IMPG1: variants seen among roughly 807,000 people sequenced by gnomAD.
IMPG1 encodes the protein interphotoreceptor matrix proteoglycan 1.
IMPG1 carries 85 observed loss-of-function variants against 92.0 expected under a neutral mutation model. The ratio of observed to expected loss-of-function variants is 0.92; its 90% CI spans 0.78 to 1.11. The LOEUF is 1.11. Ranked by LOEUF, IMPG1 falls within the 50% of genes least tolerant of loss-of-function variation. IMPG1 has a pLI of 0.00. For missense variants in IMPG1, 1,022 were observed against 956.0 expected (o/e 1.07, Z -0.91); for synonymous variants, 367 against 334.1 (o/e 1.10, Z -1.08).
At chr6:75,979,158 C>T (rs939103853) in intron 12 of IMPG1, among the ~76,000 whole-genome samples, 1 of 152,160 alleles carries the variant, frequency 6.6e-6, no homozygotes, top group African/African-American at 2.4e-5. Flanking sequence ...CTCAAGGAAT[C>T]TGCCCACTTC....
chr6:76,034,642 C>G lies in IMPG1; in HGVS notation c.447G>C (p.Glu149Asp), dbSNP rs1213844030. The G allele has an allele frequency of 3.2e-5, 51 of 1,614,000 alleles. No individual in the cohort carries two copies. The highest frequency in any genetic ancestry group is 4.3e-5 in the Non-Finnish European group (51 of 1,179,994). The change falls in exon 3 of 17, where the codon GAG (glutamate) becomes GAC (aspartate). Residue 149 changes from glutamate (E) to aspartate (D), a missense_variant. By Grantham distance (45) the Glu-to-Asp change is conservative. This residue lies in a region of IMPG1 where 681 missense variants were observed against 583.6 expected (regional missense o/e 1.17). Coordinates refer to ENST00000369950, the MANE Select transcript of IMPG1 (RefSeq NM_001563.4). The stretch of plus-strand genomic sequence containing the variant: ...TCACCTGCTGGAGAAGATCCAGGTG[C>G]TCCTGGGAATTGCTGAAGTTTTTTC... ...DIGKNFSNSQ[E>D]HLDLLQQRIK...
chr6:75,963,720 C>A (rs994424521), intron 12 of IMPG1, among the ~76,000 whole-genome samples: 2 of 152,148 alleles, frequency 1.3e-5, no homozygotes, highest in African/African-American at 2.4e-5. Context: ...ACCCTGTTAT[C>A]CCCCACTCCC....
chr6:76,034,999 C>CGTGT (rs148840963), intron 2 of IMPG1, among the ~76,000 whole-genome samples: 1 of 149,868 alleles, frequency 6.7e-6, no homozygotes, highest in African/African-American at 2.5e-5. Flanking sequence ...ATATTATGTG[C>CGTGT]GTGTGTGTGT....
chr6:76,007,898 T>C (rs1288528898), intron 8 of IMPG1, among the ~76,000 whole-genome samples: 1 of 152,354 alleles, frequency 6.6e-6, no homozygotes, highest in East Asian at 1.9e-4. Flanking sequence ...TGTAAATGGA[T>C]TTCTCAGCTC....
chr6:76,006,994 C>A (rs1299997086), intron 9 of IMPG1, among the ~76,000 whole-genome samples: 1 of 152,112 alleles, frequency 6.6e-6, no homozygotes. Flanking sequence ...TAGTCAATTA[C>A]AGAGCCAAAG....
intron 12 of IMPG1, among the ~76,000 whole-genome samples, chr6:75,994,595 T>TAG (rs1324254120): frequency 6.6e-6 from 1 of 152,142 alleles, no homozygotes; most frequent in Non-Finnish European, 1.5e-5. Context: ...ACAGCAGGCA[T>TAG]AGAGAGAGAG....
chr6:76,061,584 T>C (rs966053372), intron 1 of IMPG1, among the ~76,000 whole-genome samples: 7 of 152,226 alleles, frequency 4.6e-5, no homozygotes, highest in Non-Finnish European at 1.5e-5. Flanking sequence ...AATTATCCTA[T>C]CTTGGTGAAC....
Position 76,003,929 on chromosome 6 carries a change from G to C in IMPG1, c.1157C>G (p.Ala386Gly). The change falls in exon 11 of 17, where the codon GCC becomes GGC. Residue 386 changes from alanine (A) to glycine (G), a missense_variant. Physicochemically the swap from Ala to Gly is moderately conservative, Grantham distance 60 (BLOSUM62 0). Coordinates refer to ENST00000369950, the MANE Select transcript of IMPG1 (RefSeq NM_001563.4). ...FTDEIAGSLP[A>G]FGPDTQSELP... is the part of the protein sequence containing the mutation. ...CTCTGATTGGGTGTCAGGACCAAAG[G>C]CTGGCAGTGATCCAGCAATTTCTAT... The C allele has an allele frequency of 1.2e-6, 2 of 1,612,740 alleles. No homozygotes were observed. Among genetic ancestry groups the C allele is most frequent in the Non-Finnish European group, 1.7e-6 (2 of 1,179,416 alleles).
chr6:75,994,832 A>G (rs1562362784), intron 12 of IMPG1, among the ~76,000 whole-genome samples: 1 of 152,196 alleles, frequency 6.6e-6, no homozygotes, highest in Non-Finnish European at 1.5e-5. Context: ...TTTCCTTTGT[A>G]TGGATGTGAG....
intron 12 of IMPG1, among the ~76,000 whole-genome samples, chr6:75,959,043 A>G (rs1782172956): frequency 6.6e-6 from 1 of 151,970 alleles, no homozygotes; most frequent in Non-Finnish European, 1.5e-5. Context: ...GATGTTGGTG[A>G]CATTCAGATG....
chr6:76,031,909 C>T (rs1188546014), intron 4 of IMPG1, among the ~76,000 whole-genome samples: 1 of 152,248 alleles, frequency 6.6e-6, no homozygotes, highest in East Asian at 1.9e-4. Context: ...AACTGGCAAT[C>T]TATACCATCA....
intron 12 of IMPG1, among the ~76,000 whole-genome samples, chr6:75,975,363 A>G (rs1377693384): frequency 6.6e-6 from 1 of 152,238 alleles, no homozygotes; most frequent in African/African-American, 2.4e-5. Context: ...GAAAAAATTA[A>G]TGTAGTTTAG....
chr6:75,924,468 A>T (rs368167930), intron 15 of IMPG1, among the ~76,000 whole-genome samples: 1 of 95,422 alleles, frequency 1.0e-5, no homozygotes, highest in Non-Finnish European at 2.0e-5. Flanking sequence ...ATATAATATA[A>T]ATATAATTAT....
chr6:75,930,904 G>C (rs1289919550), intron 15 of IMPG1, 49 bp downstream of exon 15: 2 of 1,486,540 alleles, frequency 1.3e-6, no homozygotes, highest in African/African-American at 2.8e-5. Context: ...TTTCTCAGAA[G>C]TGTAAGTAAT....
In IMPG1 at chr6:75,921,853, AT is replaced by A; in HGVS notation, c.*235del. The A allele has an allele frequency of 2.9e-6, 1 of 346,428 alleles. No individual in the cohort carries two copies. The highest frequency in any genetic ancestry group is 5.2e-6 in the Non-Finnish European group (1 of 190,798). 21.5% of individuals were successfully genotyped at this position (346,428 alleles called of 1,614,324 possible). A position where few individuals can be genotyped will look rare whatever the true frequency, so the allele number is the denominator to read the frequency against. Reference sequence around the variant, plus strand: ...ACTATCATCCAAGAATAGTAAAAATATGTTTCGCTGATTGCATTTGGGGTTT... The same window carrying A: ...ACTATCATCCAAGAATAGTAAAAATAGTTTCGCTGATTGCATTTGGGGTTT... On this transcript the variant is annotated 3_prime_UTR_variant, in exon 17 of 17. Coordinates refer to ENST00000369950, the MANE Select transcript of IMPG1 (RefSeq NM_001563.4).
At chr6:75,926,698 T>C (rs376233695) in intron 15 of IMPG1, among the ~76,000 whole-genome samples, 9 of 152,076 alleles carry the variant, frequency 5.9e-5, no homozygotes, top group African/African-American at 2.2e-4. Flanking sequence ...TACTGATAAT[T>C]GTGAGTAATA....
intron 12 of IMPG1, among the ~76,000 whole-genome samples, chr6:75,984,118 G>A (rs1782675437): frequency 1.3e-5 from 2 of 152,184 alleles, no homozygotes; most frequent in Admixed American, 6.5e-5. Flanking sequence ...ATTGTTCTTA[G>A]GAATGTAAAT....
At chr6:75,976,374 C>T (rs1479823742) in intron 12 of IMPG1, among the ~76,000 whole-genome samples, 1 of 152,070 alleles carries the variant, frequency 6.6e-6, no homozygotes, top group Non-Finnish European at 1.5e-5. Context: ...CCAGCCTGAG[C>T]AAAATGGTGA....
At chr6:76,010,229 C>G (rs1783161848) in intron 8 of IMPG1, among the ~76,000 whole-genome samples, 1 of 152,188 alleles carries the variant, frequency 6.6e-6, no homozygotes, top group South Asian at 2.1e-4. Context: ...TGCTTTCAGA[C>G]AGTAGGCAGT....
Sources: gnomAD v4.1 joint callset for allele counts (sites outside exome capture counted in the v4.1 genomes callset) on GRCh38, gnomAD v4.1.1 for gene constraint, gnomAD v4.1.1 regional missense constraint, MANE v1.5 for transcripts, NCBI Gene and HGNC (gene_info 2026-07-23, HGNC 2026-07-21) for gene names.